The following RALGAPA1 variants were observed in gnomAD, a reference collection of about 807,000 sequenced individuals.
RALGAPA1 encodes the protein Ral GTPase activating protein catalytic subunit alpha 1.
A neutral mutation model predicts 269.6 loss-of-function variants in RALGAPA1; 52 were observed. The observed-to-expected ratio is 0.19, with a 90% CI of 0.15 to 0.24. RALGAPA1 has a LOEUF of 0.24. Among genes scored for constraint, RALGAPA1 ranks in the 10% least tolerant of loss-of-function variants. RALGAPA1 has a pLI of 1.00. For synonymous variants in RALGAPA1, 817 were observed against 1,008.3 expected (o/e 0.81, Z 3.60); for missense variants, 1,917 against 3,013.9 (o/e 0.64, Z 8.52).
chr14:35,777,494 C>T (rs2075124559), intron 1 of RALGAPA1, among the ~76,000 whole-genome samples: 1 of 152,152 alleles, frequency 6.6e-6, no homozygotes, highest in Admixed American at 6.6e-5. Flanking sequence ...ACTTTATGTA[C>T]TTCCTACTAT....
intron 1 of RALGAPA1, among the ~76,000 whole-genome samples, chr14:35,791,635 G>T (rs369127124): frequency 2.0e-5 from 3 of 151,530 alleles, no homozygotes; most frequent in Admixed American, 6.6e-5. Context: ...GGCTGGGCAC[G>T]GTGGCTCACA....
chr14:35,706,217 C>T (rs1329774127), intron 16 of RALGAPA1, among the ~76,000 whole-genome samples: 3 of 152,118 alleles, frequency 2.0e-5, no homozygotes, highest in Non-Finnish European at 4.4e-5. Context: ...TTGCCAAACC[C>T]AAGGTGTCCT....
At chr14:35,676,393 G>C (rs965567848) in intron 22 of RALGAPA1, 3 of 151,902 alleles carry the variant, frequency 2.0e-5, no homozygotes, top group African/African-American at 7.3e-5. Context: ...TGTATTTTTA[G>C]TAGAGACAGG....
chr14:35,568,796 T>C (rs1406320267), intron 39 of RALGAPA1, among the ~76,000 whole-genome samples: 2 of 152,132 alleles, frequency 1.3e-5, no homozygotes, highest in Admixed American at 6.5e-5. Context: ...TCAGAAACAA[T>C]CAACAGACTG....
chr14:35,559,261 G>A (rs1167377700), intron 39 of RALGAPA1, among the ~76,000 whole-genome samples: 1 of 152,120 alleles, frequency 6.6e-6, no homozygotes, highest in Admixed American at 6.5e-5. Flanking sequence ...TCAATGAAAA[G>A]AATGAATGAA....
chr14:35,687,389 C>T (rs1488081107), intron 18 of RALGAPA1, among the ~76,000 whole-genome samples: 4 of 152,150 alleles, frequency 2.6e-5, no homozygotes, highest in Non-Finnish European at 5.9e-5. Context: ...AAAATGAGCA[C>T]TGTTTATATT....
chr14:35,579,051 G>A (rs550856490), intron 37 of RALGAPA1, among the ~76,000 whole-genome samples: 3 of 152,318 alleles, frequency 2.0e-5, no homozygotes, highest in Middle Eastern at 6.8e-3. Context: ...GGCTTATTTA[G>A]CTAGGATGGT....
intron 31 of RALGAPA1, among the ~76,000 whole-genome samples, chr14:35,644,820 C>A (rs563501847): frequency 1.3e-5 from 2 of 152,020 alleles, no homozygotes; most frequent in Non-Finnish European, 2.9e-5. Flanking sequence ...CATGTGGTGA[C>A]GGGTTGACAG....
chr14:35,629,106 A>C lies in RALGAPA1; in HGVS notation c.5996-1155T>G, dbSNP rs1359246196. Reference sequence around the variant, plus strand: ...CTAGTTAAAGACCGCCATTCTAAGGAGGGCTAAAGACTGTGATTCTGAGGG... The same window carrying C: ...CTAGTTAAAGACCGCCATTCTAAGGCGGGCTAAAGACTGTGATTCTGAGGG... On this transcript the variant is annotated intron_variant, in intron 33 of 41. Coordinates refer to ENST00000680220, the MANE Select transcript of RALGAPA1 (RefSeq NM_001346249.2). 2.6e-5 allele frequency among the ~76,000 whole-genome samples: 4 copies of C among 152,272 alleles called. No individual in the cohort carries two copies. In the East Asian group the frequency reaches 7.7e-4, roughly 29 times the overall value.
At chr14:35,614,292 T>C (rs2060121537) in intron 35 of RALGAPA1, among the ~76,000 whole-genome samples, 1 of 152,206 alleles carries the variant, frequency 6.6e-6, no homozygotes, top group South Asian at 2.1e-4. Flanking sequence ...ATTATTCATA[T>C]TCGCCCAAAA....
chr14:35,721,643 A>T (rs778536664), intron 16 of RALGAPA1, 45 bp downstream of exon 16: 7 of 1,501,744 alleles, frequency 4.7e-6, no homozygotes, highest in Non-Finnish European at 6.3e-6. Flanking sequence ...AAGGACTATA[A>T]ATGTAGTGCC....
chr14:35,628,679 C>A (rs2061141541), intron 33 of RALGAPA1, among the ~76,000 whole-genome samples: 1 of 152,108 alleles, frequency 6.6e-6, no homozygotes, highest in South Asian at 2.1e-4. Flanking sequence ...TAAATTTAAA[C>A]AGCAAGTCAG....
intron 37 of RALGAPA1, among the ~76,000 whole-genome samples, chr14:35,592,525 A>T (rs1225780686): frequency 6.6e-6 from 1 of 152,194 alleles, no homozygotes; most frequent in Non-Finnish European, 1.5e-5. Context: ...CTCGATCCCT[A>T]AGCTAGACAG....
At chr14:35,553,652 A>G (rs1305167164) in intron 39 of RALGAPA1, among the ~76,000 whole-genome samples, 2 of 152,104 alleles carry the variant, frequency 1.3e-5, no homozygotes, top group African/African-American at 4.8e-5. Context: ...GTGTGTGTGT[A>G]TATATGTATG....
chr14:35,561,885 ATGTT>A (rs1016605821), intron 39 of RALGAPA1, among the ~76,000 whole-genome samples: 2 of 152,216 alleles, frequency 1.3e-5, no homozygotes, highest in African/African-American at 2.4e-5. Context: ...GTAAAGAAGA[ATGTT>A]TGTCTGCTCT....
chr14:35,600,227 T>TTTTTCTTTTTTTTTTTTTTTTTTTTTTTC (rs2059201948), intron 36 of RALGAPA1, among the ~76,000 whole-genome samples: 1 of 129,654 alleles, frequency 7.7e-6, no homozygotes, highest in Non-Finnish European at 1.5e-5. Flanking sequence ...TCTTTTTCTT[T>TTTTTCTTTTTTTTTTTTTTTTTTTTTTTC]TTTTCTTTTT....
chr14:35,596,045 T>G (rs945012385), intron 36 of RALGAPA1, among the ~76,000 whole-genome samples: 1 of 152,080 alleles, frequency 6.6e-6, no homozygotes, highest in Non-Finnish European at 1.5e-5. Context: ...GTTAGCCTAC[T>G]AGGTGTTAAT....
At chr14:35,747,902 T>A (rs537711685) in intron 10 of RALGAPA1, among the ~76,000 whole-genome samples, 1 of 152,252 alleles carries the variant, frequency 6.6e-6, no homozygotes, top group Non-Finnish European at 1.5e-5. Context: ...TTTCCCTTTT[T>A]TTTTTCTATA....
chr14:35,730,295 G>C (rs7158451), intron 12 of RALGAPA1, among the ~76,000 whole-genome samples: 2 of 152,072 alleles, frequency 1.3e-5, no homozygotes, highest in African/African-American at 4.8e-5. Context: ...CCTTTGGGAG[G>C]GTGGCCAGAG....
Sources: allele counts gnomAD v4.1 joint callset (sites outside exome capture counted in the v4.1 genomes callset), GRCh38; gene constraint gnomAD v4.1.1; transcripts MANE v1.5; gene names NCBI Gene and HGNC (gene_info 2026-07-23, HGNC 2026-07-21).